Variants in ADAM9 observed in about 807,000 individuals in gnomAD.
ADAM9 encodes the protein ADAM metallopeptidase domain 9.
Under a neutral mutation model 108.1 loss-of-function variants are expected in ADAM9, and 54 were observed. That is an observed-to-expected ratio of 0.50 (90% CI 0.40 to 0.63). ADAM9 has a LOEUF of 0.63. Ranked by LOEUF, ADAM9 falls within the 20% of genes least tolerant of loss-of-function variation. The pLI is 0.00. For synonymous variants in ADAM9, 316 were observed against 336.0 expected (o/e 0.94, Z 0.65); for missense variants, 830 against 997.7 (o/e 0.83, Z 2.26).
chr8:39,082,302 G>T (rs960660130), intron 16 of ADAM9, among the ~76,000 whole-genome samples: 5 of 152,046 alleles, frequency 3.3e-5, no homozygotes, highest in African/African-American at 1.2e-4. Context: ...TAGTCCTGGG[G>T]TTAACTCTAT....
At chr8:39,045,249 TATATGTGTATATATGTGTATACATAC>T (rs1188366141) in intron 12 of ADAM9, among the ~76,000 whole-genome samples, 1 of 140,096 alleles carries the variant, frequency 7.1e-6, no homozygotes, top group African/African-American at 2.7e-5. Flanking sequence ...TATACATACA[TATATGTGTATATATGTGTATACATAC>T]ATATGTATAT....
At chr8:39,071,624 G>C (rs539324714) in intron 15 of ADAM9, among the ~76,000 whole-genome samples, 269 of 152,082 alleles carry the variant, frequency 1.8e-3, no homozygotes, top group African/African-American at 6.1e-3. Flanking sequence ...GTGCCACCAC[G>C]CCCAGCTAAT....
chr8:39,032,241 C>A (rs1288728969), intron 11 of ADAM9, among the ~76,000 whole-genome samples: 1 of 152,258 alleles, frequency 6.6e-6, no homozygotes, highest in Admixed American at 6.5e-5. Context: ...GCAGAAGATT[C>A]TCTTGCCTTT....
At chr8:39,045,224 A>G (rs568390606) in intron 12 of ADAM9, among the ~76,000 whole-genome samples, 6 of 134,500 alleles carry the variant, frequency 4.5e-5, no homozygotes, top group African/African-American at 1.7e-4. Flanking sequence ...ACATACATAT[A>G]TGTGTATATA....
In ADAM9 at chr8:39,085,641, A is replaced by T. The variant is rs777890513; in HGVS notation, c.2068+2568A>T. Among the ~76,000 whole-genome samples the T allele has an allele frequency of 2.0e-5, 3 of 152,278 alleles. No homozygotes were observed. In the East Asian group the frequency reaches 5.8e-4, roughly 29 times the overall value. Reference sequence around the variant, plus strand: ...TTTTCCTCCCGTTTTACTTCTAAGGATATTCCTTGTCTTCTGACTTGCATT... The same window carrying T: ...TTTTCCTCCCGTTTTACTTCTAAGGTTATTCCTTGTCTTCTGACTTGCATT... On this transcript the variant is annotated intron_variant, in intron 18 of 21. Coordinates refer to ENST00000487273, the MANE Select transcript of ADAM9 (RefSeq NM_003816.3).
chr8:39,091,237 C>A (rs758215764), intron 19 of ADAM9, 22 bp from the exon 20 acceptor site: 7 of 1,599,732 alleles, frequency 4.4e-6, no homozygotes, highest in Admixed American at 1.7e-5. Flanking sequence ...TAATTTAGAT[C>A]AAAAGTAATT....
chr8:39,104,896 A>T lies in ADAM9; in HGVS notation c.*1196A>T. On this transcript the variant is annotated 3_prime_UTR_variant, in exon 22 of 22. Coordinates refer to ENST00000487273, the MANE Select transcript of ADAM9 (RefSeq NM_003816.3). ...ACCTTTCATAATAAAGTTTAATAATAGGTTTATTAACTGAATTTCATTAGT... is the reference window on the plus strand; with the variant it reads ...ACCTTTCATAATAAAGTTTAATAATTGGTTTATTAACTGAATTTCATTAGT... The T allele has an allele frequency of 2.3e-6, 1 of 439,166 alleles. No homozygotes were observed. The highest frequency in any genetic ancestry group is 4.5e-6 in the Non-Finnish European group (1 of 222,948). 27.2% of individuals were successfully genotyped at this position (439,166 alleles called of 1,614,324 possible).
At position 39,011,588 on chromosome 8, in the gene ADAM9, A is replaced by G. The variant is rs562802367; in HGVS notation, c.196-70A>G. The G allele has an allele frequency of 2.1e-5, 30 of 1,400,168 alleles. No individual in the cohort carries two copies. The East Asian group carries it at 6.2e-4, about 29-fold the overall frequency. The allele number at this position is 1,400,168 out of a possible 1,614,324, so 86.7% of individuals were successfully genotyped here. The stretch of plus-strand genomic sequence containing the variant: ...TTCAGGATGGAATTTCCTGCATCTT[A>G]TAAATGAGATGTTGTTGAAAAGTAA... On this transcript the variant is annotated intron_variant, in intron 2 of 21. Transcript: ENST00000487273.
chr8:39,023,882 G>A (rs142809233), intron 9 of ADAM9, among the ~76,000 whole-genome samples: 126 of 151,878 alleles, frequency 8.3e-4, no homozygotes, highest in African/African-American at 3.0e-3. Context: ...GACTAGCTGG[G>A]ATTACAGGTG....
At chr8:39,102,153 C>G (rs1458491319) in intron 21 of ADAM9, among the ~76,000 whole-genome samples, 1 of 152,156 alleles carries the variant, frequency 6.6e-6, no homozygotes, top group African/African-American at 2.4e-5. Context: ...AAGACAGATT[C>G]TGCTGCCACA....
chr8:39,040,616 G>C (rs894058617), intron 11 of ADAM9, among the ~76,000 whole-genome samples: 2 of 152,150 alleles, frequency 1.3e-5, no homozygotes, highest in Non-Finnish European at 2.9e-5. Context: ...CACCTTATAA[G>C]ATATGTGGTT....
intron 12 of ADAM9, among the ~76,000 whole-genome samples, chr8:39,043,460 T>C (rs1837516306): frequency 6.6e-6 from 1 of 152,150 alleles, no homozygotes; most frequent in Admixed American, 6.5e-5. Flanking sequence ...TTTTCCGTGA[T>C]AGCAATCCTA....
chr8:39,090,372 A>T (rs1444011865), intron 19 of ADAM9, among the ~76,000 whole-genome samples, 184 bp downstream of exon 19: 1 of 152,002 alleles, frequency 6.6e-6, no homozygotes, highest in African/African-American at 2.4e-5. Flanking sequence ...GGGTTTCGCC[A>T]TGTTGCCCGG....
At chr8:39,102,675 G>A (rs549108880) in intron 21 of ADAM9, among the ~76,000 whole-genome samples, 185 of 152,302 alleles carry the variant, frequency 1.2e-3, no homozygotes, top group African/African-American at 4.4e-3. Flanking sequence ...GAAACAGACT[G>A]AGATGGTATC....
chr8:39,068,675 CAAAAAAAAAAAAAAAAAAAA>C (rs562274321), intron 14 of ADAM9, among the ~76,000 whole-genome samples: 49 of 42,040 alleles, frequency 1.2e-3, no homozygotes, highest in African/African-American at 3.1e-3. Context: ...AACTTCTCCT[CAAAAAAAAAAAAAAAAAAAA>C]AAAAAAAAAA....
chr8:39,102,356 C>T (rs532740938), intron 21 of ADAM9, among the ~76,000 whole-genome samples: 1 of 152,164 alleles, frequency 6.6e-6, no homozygotes, highest in African/African-American at 2.4e-5. Flanking sequence ...GGAAGGAAAT[C>T]TAGAAATGAT....
At chr8:39,020,894 A>T (rs1487772198) in intron 7 of ADAM9, among the ~76,000 whole-genome samples, 7 of 5,780 alleles carry the variant, frequency 1.2e-3, no homozygotes, top group East Asian at 0.042. Flanking sequence ...TGTTAAATTA[A>T]AAAAAAAAAA....
At position 39,035,401 on chromosome 8, in the gene ADAM9, C is replaced by G. The variant is rs117345075; in HGVS notation, c.1131-6545C>G. Among the ~76,000 whole-genome samples, 348 of 152,276 alleles carry G rather than the reference C, an allele frequency of 2.3e-3. 1 individual carries two copies. Among genetic ancestry groups the G allele is most frequent in the Non-Finnish European group, 3.4e-3 (231 of 68,030 alleles). On this transcript the variant is annotated intron_variant, in intron 11 of 21. Transcript: ENST00000487273. ...TGTCTTATGGCTATCATTTGATAAT[C>G]CTAGAACTAGTATTAGGAGTCTTTA...
rs1362795781 is a variant in ADAM9, at chr8:39,103,923, C to T, written c.*223C>T. On this transcript the variant is annotated 3_prime_UTR_variant, in exon 22 of 22. Coordinates refer to ENST00000487273, the MANE Select transcript of ADAM9 (RefSeq NM_003816.3). ...GAATTTACAATAACATTTCCGTTTCCATCATTGAATAAGTCTTATTCAGTC... is the reference window on the plus strand; with the variant it reads ...GAATTTACAATAACATTTCCGTTTCTATCATTGAATAAGTCTTATTCAGTC... The T allele has an allele frequency of 1.5e-6, 1 of 677,656 alleles. No individual in the cohort carries two copies. Among genetic ancestry groups the T allele is most frequent in the Admixed American group, 2.0e-5 (1 of 49,342 alleles). The allele number at this position is 677,656 out of a possible 1,614,324, so 42.0% of individuals were successfully genotyped here. A position where few individuals can be genotyped will look rare whatever the true frequency, so the allele number is the denominator to read the frequency against.
Sources: allele counts gnomAD v4.1 joint callset (sites outside exome capture counted in the v4.1 genomes callset), GRCh38; gene constraint gnomAD v4.1.1; transcripts MANE v1.5; gene names NCBI Gene and HGNC (gene_info 2026-07-23, HGNC 2026-07-21).